Variants in FOXJ3 observed in about 807,000 individuals in gnomAD.
FOXJ3 encodes the protein forkhead box protein J3.
Under a neutral mutation model 76.1 loss-of-function variants are expected in FOXJ3, and 22 were observed. That is an observed-to-expected ratio of 0.29 (90% CI 0.21 to 0.41). FOXJ3 has a LOEUF of 0.41. FOXJ3 is among the 10% of genes least tolerant of loss of function. The pLI is 1.00. For synonymous variants in FOXJ3, 269 were observed against 261.2 expected, an observed-to-expected ratio of 1.03 and a Z score of -0.29; for missense variants, 613 against 762.1, an observed-to-expected ratio of 0.80 and a Z score of 2.30.
chr1:42,262,425 T>C (rs770369739), intron 4 of FOXJ3, among the ~76,000 whole-genome samples: 2 of 152,368 alleles, frequency 1.3e-5, no homozygotes, highest in South Asian at 2.1e-4. Flanking sequence ...AGTGGAATTT[T>C]GTGTTTTCTT....
At chr1:42,226,620 A>AT (rs1238133234) in intron 5 of FOXJ3, among the ~76,000 whole-genome samples, 3 of 151,978 alleles carry the variant, frequency 2.0e-5, no homozygotes, top group African/African-American at 7.3e-5. Context: ...AAAAAAAAAA[A>AT]TTTTGTCTAG....
At chr1:42,245,593 G>A (rs1186463940) in intron 4 of FOXJ3, among the ~76,000 whole-genome samples, 7 of 152,040 alleles carry the variant, frequency 4.6e-5, no homozygotes, top group African/African-American at 7.2e-5. Context: ...CAAGAGATAC[G>A]GAAAAAGCAT....
rs950485809 is a variant in FOXJ3, at chr1:42,321,552, G to A, written c.-17-10442C>T. On this transcript the variant is annotated intron_variant, in intron 1 of 12. Transcript: ENST00000361346. ...TAGGAAACAGAAGAACAGACCTGAT[G>A]TATGTACCAGGACTCTTCAAAAGTA... Among the ~76,000 whole-genome samples, 3 of 152,302 alleles carry A rather than the reference G, an allele frequency of 2.0e-5. No individual in the cohort carries two copies. The South Asian group carries it at 6.2e-4, about 32-fold the overall frequency.
intron 1 of FOXJ3, among the ~76,000 whole-genome samples, chr1:42,333,004 A>C (rs147745265): frequency 6.6e-6 from 1 of 152,146 alleles, no homozygotes; most frequent in Non-Finnish European, 1.5e-5. Flanking sequence ...CCAAGAGACC[A>C]CGTATCTTAT....
At chr1:42,309,496 T>C (rs1654676328) in intron 2 of FOXJ3, among the ~76,000 whole-genome samples, 1 of 152,190 alleles carries the variant, frequency 6.6e-6, no homozygotes, top group African/African-American at 2.4e-5. Context: ...CCTATTCCCC[T>C]TCTCTATTTT....
At position 42,189,327 on chromosome 1, in the gene FOXJ3, C is replaced by G; in HGVS notation, c.1429G>C (p.Asp477His). Residue 477 changes from aspartate (D) to histidine (H), a missense_variant, in exon 10 of 13, where the codon GAT (aspartate) becomes CAT (histidine). Transcript: ENST00000361346. ...CCTTGAAACTGTGAAAGGTCTACATCTGACCAATTAACACTGCTGGCAATT... is the reference window on the plus strand; with the variant it reads ...CCTTGAAACTGTGAAAGGTCTACATGTGACCAATTAACACTGCTGGCAATT... ...CRIASSVNWSDVDLSQFQGLM... is the reference protein window; with the variant it reads ...CRIASSVNWSHVDLSQFQGLM... The G allele has an allele frequency of 1.2e-6, 2 of 1,613,050 alleles. No homozygotes were observed. The highest frequency in any genetic ancestry group is 1.1e-5 in the South Asian group (1 of 91,028).
intron 4 of FOXJ3, among the ~76,000 whole-genome samples, chr1:42,231,987 T>C (rs928341147): frequency 5.3e-5 from 8 of 152,048 alleles, no homozygotes; most frequent in African/African-American, 9.7e-5. Flanking sequence ...TGTGATGTTC[T>C]CCTTCCTGTG....
intron 4 of FOXJ3, among the ~76,000 whole-genome samples, chr1:42,263,514 T>C (rs1355082372): frequency 6.6e-6 from 1 of 152,188 alleles, no homozygotes; most frequent in Non-Finnish European, 1.5e-5. Flanking sequence ...CCTCCTTTCC[T>C]TTAAAGGAAA....
At chr1:42,297,880 G>A (rs1233596633) in intron 2 of FOXJ3, among the ~76,000 whole-genome samples, 1 of 152,068 alleles carries the variant, frequency 6.6e-6, no homozygotes, top group African/African-American at 2.4e-5. Context: ...CTAAATACCA[G>A]CTTTTCTTTA....
chr1:42,219,313 A>G (rs1345712680), intron 5 of FOXJ3, among the ~76,000 whole-genome samples: 1 of 152,152 alleles, frequency 6.6e-6, no homozygotes, highest in Non-Finnish European at 1.5e-5. Flanking sequence ...TATCAGATTG[A>G]CTGTCGTGGT....
Position 42,179,768 on chromosome 1 carries a change from C to G in FOXJ3, c.1811G>C (p.Arg604Pro). 6.2e-7 allele frequency: 1 copy of G among 1,614,016 alleles called. No individual in the cohort carries two copies. The highest frequency in any genetic ancestry group is 8.5e-7 in the Non-Finnish European group (1 of 1,179,990). Residue 604 changes from arginine to proline, a missense_variant, in exon 13 of 13, where the codon CGG becomes CCG. Around this residue, in one of 3 missense-constraint regions of FOXJ3, gnomAD observed 526 missense variants for 601.4 expected, o/e 0.87. Coordinates refer to ENST00000361346, the MANE Select transcript of FOXJ3 (RefSeq NM_014947.5). The part of the protein sequence containing the change: ...HMMPSQAFQM[R>P]RSLPPDDIQD... Reference sequence around the variant, plus strand: ...GATGTCATCTGGAGGCAGGGAACGCCGCATCTGGAAGGCTTGGGAAGGCAT... The same window carrying G: ...GATGTCATCTGGAGGCAGGGAACGCGGCATCTGGAAGGCTTGGGAAGGCAT...
At chr1:42,228,374 CAA>C (rs2124459187) in intron 4 of FOXJ3, among the ~76,000 whole-genome samples, 1 of 152,172 alleles carries the variant, frequency 6.6e-6, no homozygotes, top group Admixed American at 6.5e-5. Flanking sequence ...TTTTTAAAGA[CAA>C]ACTGCTTGAA....
chr1:42,256,901 G>C (rs553322218), intron 4 of FOXJ3, among the ~76,000 whole-genome samples: 24 of 152,322 alleles, frequency 1.6e-4, no homozygotes, highest in African/African-American at 5.5e-4. Context: ...AAACAAACAA[G>C]TGATATATGT....
chr1:42,323,783 T>C (rs1655570318), intron 1 of FOXJ3: 65 of 709,918 alleles, frequency 9.2e-5, no homozygotes, highest in Non-Finnish European at 1.1e-4. Flanking sequence ...AGGATTATCT[T>C]GTGAAAGAAG....
intron 1 of FOXJ3, among the ~76,000 whole-genome samples, chr1:42,331,514 T>C (rs1656163861): frequency 6.6e-6 from 1 of 152,146 alleles, no homozygotes; most frequent in South Asian, 2.1e-4. Context: ...TGATACATGC[T>C]ACATGGATGG....
chr1:42,327,272 T>G (rs1235321162), intron 1 of FOXJ3, among the ~76,000 whole-genome samples: 1 of 152,076 alleles, frequency 6.6e-6, no homozygotes, highest in Non-Finnish European at 1.5e-5. Flanking sequence ...AAGTAAGGTG[T>G]CATAGACTCA....
chr1:42,310,411 T>C (rs1266609005), intron 2 of FOXJ3, among the ~76,000 whole-genome samples: 1 of 151,972 alleles, frequency 6.6e-6, no homozygotes, highest in Admixed American at 6.6e-5. Context: ...CCCAAAGTGC[T>C]AGGATTACAG....
chr1:42,329,783 G>A (rs920309589), intron 1 of FOXJ3, among the ~76,000 whole-genome samples: 3 of 152,204 alleles, frequency 2.0e-5, no homozygotes, highest in African/African-American at 4.8e-5. Flanking sequence ...AAATGCGGAT[G>A]CGATGTCAAG....
In FOXJ3 at chr1:42,238,374, T is replaced by C. The variant is rs1648868361; in HGVS notation, c.445-10408A>G. Among the ~76,000 whole-genome samples, 3 of 152,222 alleles carry C rather than the reference T, an allele frequency of 2.0e-5. No homozygotes were observed. The South Asian group carries it at 6.2e-4, about 32-fold the overall frequency. ...TTAATTATTGTTAACTGTATAAAAA[T>C]CAGAAATCAGGCAGTATATATCCTA... is the stretch of plus-strand genomic sequence containing the variant. On this transcript the variant is annotated intron_variant, in intron 4 of 12. Transcript: ENST00000361346.
Sources: allele counts gnomAD v4.1 joint callset (sites outside exome capture counted in the v4.1 genomes callset), GRCh38; gene constraint gnomAD v4.1.1; regional missense constraint gnomAD v4.1.1; transcripts MANE v1.5; gene names NCBI Gene and HGNC (gene_info 2026-07-23, HGNC 2026-07-21).